The following SERGEF variants were observed in gnomAD, a reference collection of about 807,000 sequenced individuals.
The protein encoded by SERGEF is secretion regulating guanine nucleotide exchange factor.
In SERGEF, 51 loss-of-function variants were observed where a neutral mutation model predicts 50.0. The observed-to-expected ratio is 1.02, with a 90% CI of 0.81 to 1.29. The LOEUF is 1.29. SERGEF is among the 50% of genes most tolerant of loss of function. SERGEF has a pLI of 0.00. For missense variants in SERGEF, 521 were observed against 557.0 expected, an observed-to-expected ratio of 0.94 and a Z score of 0.65; for synonymous variants, 205 against 212.4, an observed-to-expected ratio of 0.97 and a Z score of 0.30.
At chr11:17,892,251 G>A (rs113452383) in intron 9 of SERGEF, among the ~76,000 whole-genome samples, 3 of 152,230 alleles carry the variant, frequency 2.0e-5, no homozygotes, top group South Asian at 2.1e-4. Context: ...TTACCAGCCC[G>A]TCATCCTTTG....
chr11:17,984,387 G>A (rs533672193), intron 8 of SERGEF, among the ~76,000 whole-genome samples: 89 of 152,164 alleles, frequency 5.8e-4, no homozygotes, highest in African/African-American at 2.0e-3. Context: ...GCAGCAAGAG[G>A]GAAATGGTAC....
intron 10 of SERGEF, among the ~76,000 whole-genome samples, chr11:17,875,805 G>A (rs1851228278): frequency 1.3e-5 from 2 of 152,180 alleles, no homozygotes; most frequent in South Asian, 4.1e-4. Flanking sequence ...GGCAAAGTTT[G>A]GCTGCTTTAT....
chr11:17,810,153 G>A (rs1849841389), intron 10 of SERGEF, among the ~76,000 whole-genome samples: 1 of 152,188 alleles, frequency 6.6e-6, no homozygotes, highest in African/African-American at 2.4e-5. Flanking sequence ...TTATTTCTCT[G>A]TCCTTAGGTA....
At chr11:17,942,687 G>A (rs1852583798) in intron 9 of SERGEF, among the ~76,000 whole-genome samples, 2 of 152,040 alleles carry the variant, frequency 1.3e-5, no homozygotes, top group Non-Finnish European at 2.9e-5. Context: ...GCCTCATTCT[G>A]ATCTAAGAAG....
intron 6 of SERGEF, 132 bp from the exon 7 acceptor site, chr11:17,993,125 C>T: frequency 3.0e-6 from 2 of 662,558 alleles, no homozygotes; most frequent in African/African-American, 1.8e-5. Context: ...GTCAGCAGCA[C>T]TGGCCAAGAA....
chr11:17,869,917 T>C (rs1392646670), intron 10 of SERGEF, among the ~76,000 whole-genome samples: 1 of 152,178 alleles, frequency 6.6e-6, no homozygotes, highest in East Asian at 1.9e-4. Flanking sequence ...GGGAGTGATA[T>C]GGTTTAGCTG....
chr11:17,928,059 T>C (rs1464636580), intron 9 of SERGEF, among the ~76,000 whole-genome samples: 1 of 152,244 alleles, frequency 6.6e-6, no homozygotes, highest in African/African-American at 2.4e-5. Flanking sequence ...AGTCTTTAGA[T>C]AAAATGACTT....
At chr11:17,883,184 C>T (rs933323596) in intron 9 of SERGEF, among the ~76,000 whole-genome samples, 7 of 152,216 alleles carry the variant, frequency 4.6e-5, no homozygotes, top group Non-Finnish European at 1.5e-5. Flanking sequence ...TTCATCAGTT[C>T]TTGCAAGGCC....
intron 4 of SERGEF, chr11:18,001,833 C>T: frequency 3.9e-6 from 1 of 257,772 alleles, no homozygotes; most frequent in Non-Finnish European, 7.8e-6. Flanking sequence ...TTTAAAGGAA[C>T]TCTATAGCAT....
chr11:17,982,103 C>T (rs1853506946), intron 8 of SERGEF, among the ~76,000 whole-genome samples: 1 of 152,166 alleles, frequency 6.6e-6, no homozygotes, highest in South Asian at 2.1e-4. Context: ...CCATGCCTGG[C>T]CAAAGCAGAA....
intron 8 of SERGEF, among the ~76,000 whole-genome samples, chr11:17,973,998 G>A (rs1853311366): frequency 2.0e-5 from 3 of 152,206 alleles, no homozygotes; most frequent in Admixed American, 2.0e-4. Context: ...AGGGGGTTGG[G>A]AGAGGTTTGG....
chr11:17,826,397 G>A (rs1312763494), intron 10 of SERGEF, among the ~76,000 whole-genome samples: 3 of 152,128 alleles, frequency 2.0e-5, no homozygotes, highest in Non-Finnish European at 4.4e-5. Flanking sequence ...TTTAATTCTC[G>A]GGCTCCCCAG....
rs139679803 is a variant in SERGEF, at chr11:18,006,658, G to T, written c.285C>A (p.Cys95Ter). The T allele has an allele frequency of 1.8e-3, 2,843 of 1,614,172 alleles. 6 individuals carry two copies. Among genetic ancestry groups the T allele is most frequent in the South Asian group, 2.8e-3 (253 of 91,078 alleles). ...GGATGGGACAGCCAAAGAGGGATTTGCAGGGGGTAAAATATGGGATATCCT... is the reference window on the plus strand; with the variant it reads ...GGATGGGACAGCCAAAGAGGGATTTTCAGGGGGTAAAATATGGGATATCCT... ...HTEDIPYFTPCKSLFGCPIQQ... is the reference protein window; with the variant it reads ...HTEDIPYFTP Residue 95 changes from cysteine to a stop codon, truncating the protein, a stop_gained, in exon 3 of 11, where the codon TGC becomes TGA. Transcript: ENST00000265965. LOFTEE classifies it high-confidence loss of function.
At chr11:17,977,551 G>A (rs1853402915) in intron 8 of SERGEF, among the ~76,000 whole-genome samples, 1 of 152,186 alleles carries the variant, frequency 6.6e-6, no homozygotes, top group Non-Finnish European at 1.5e-5. Context: ...TCCCCCAGAA[G>A]CTTTCTCCAG....
intron 1 of SERGEF, among the ~76,000 whole-genome samples, chr11:18,012,274 G>A (rs1018958388): frequency 6.6e-6 from 1 of 152,172 alleles, no homozygotes; most frequent in African/African-American, 2.4e-5. Context: ...AGCACAAGAC[G>A]CAGCGACTGC....
At chr11:17,897,933 C>T (rs577923993) in intron 9 of SERGEF, among the ~76,000 whole-genome samples, 1 of 152,264 alleles carries the variant, frequency 6.6e-6, no homozygotes, top group South Asian at 2.1e-4. Flanking sequence ...TGTTGGTAAA[C>T]GGTCTATCAA....
intron 9 of SERGEF, among the ~76,000 whole-genome samples, chr11:17,941,426 C>T (rs2133956191): frequency 6.6e-6 from 1 of 152,272 alleles, no homozygotes; most frequent in African/African-American, 2.4e-5. Context: ...ATCTTAAGGT[C>T]CTCAAGGTTC....
chr11:17,882,278 G>T (rs1851347209), intron 9 of SERGEF, among the ~76,000 whole-genome samples: 1 of 152,030 alleles, frequency 6.6e-6, no homozygotes, highest in South Asian at 2.1e-4. Context: ...AATTGGTGGG[G>T]CGTGGTGGCG....
chr11:17,905,155 A>G (rs984367109), intron 9 of SERGEF, among the ~76,000 whole-genome samples: 2 of 152,236 alleles, frequency 1.3e-5, no homozygotes, highest in Non-Finnish European at 2.9e-5. Flanking sequence ...ACTGGAGACT[A>G]TCCAAAATAT....
Sources: allele counts gnomAD v4.1 joint callset (sites outside exome capture counted in the v4.1 genomes callset), GRCh38; gene constraint gnomAD v4.1.1; transcripts MANE v1.5; gene names NCBI Gene and HGNC (gene_info 2026-07-23, HGNC 2026-07-21).